The following SYT6 variants were observed in gnomAD, a reference collection of about 807,000 sequenced individuals.
SYT6 encodes the protein synaptotagmin 6, also known as synaptotagmin-6.
A neutral mutation model predicts 38.4 loss-of-function variants in SYT6; 24 were observed. The observed-to-expected ratio is 0.62, with a 90% confidence interval of 0.45 to 0.88. The LOEUF (loss-of-function observed/expected upper bound fraction) is 0.88, where lower values mean the gene tolerates loss of function less well. Ranked by LOEUF, SYT6 falls within the 40% of genes least tolerant of loss-of-function variation. SYT6 has a pLI of 0.00. For synonymous variants in SYT6, 265 were observed against 241.9 expected, an observed-to-expected ratio of 1.10 and a Z score of -0.89; for missense variants, 611 against 621.0, an observed-to-expected ratio of 0.98 and a Z score of 0.17.
chr1:114,112,753 G>T (rs1173667977), intron 3 of SYT6, among the ~76,000 whole-genome samples: 1 of 152,204 alleles, frequency 6.6e-6, no homozygotes, highest in Non-Finnish European at 1.5e-5. Context: ...GGTAGTAAAG[G>T]GTACATTAAT....
intron 3 of SYT6, among the ~76,000 whole-genome samples, chr1:114,129,596 CTTTCTTTCTTTCTTTCTTTCCTTTCTTT>C (rs1557756102): frequency 5.4e-4 from 49 of 90,900 alleles, no homozygotes; most frequent in Admixed American, 2.4e-3. Flanking sequence ...TTCTTTCTTT[CTTTCTTTCTTTCTTTCTTTCCTTTCTTT>C]CTTTCTTTCT....
At chr1:114,124,838 G>A (rs897297215) in intron 3 of SYT6, among the ~76,000 whole-genome samples, 3 of 152,244 alleles carry the variant, frequency 2.0e-5, no homozygotes, top group Non-Finnish European at 4.4e-5. Context: ...GCTGGCCCAG[G>A]TGGACTGCCG....
At chr1:114,093,411 C>T (rs578204592) in intron 7 of SYT6, among the ~76,000 whole-genome samples, 1 of 152,210 alleles carries the variant, frequency 6.6e-6, no homozygotes, top group Admixed American at 6.5e-5. Flanking sequence ...TTATGACTAA[C>T]CAAAGGCCAG....
At chr1:114,128,310 AT>A (rs1359181294) in intron 3 of SYT6, among the ~76,000 whole-genome samples, 2 of 152,114 alleles carry the variant, frequency 1.3e-5, no homozygotes, top group Non-Finnish European at 2.9e-5. Context: ...AATACTAGGG[AT>A]ACTGAGCCTT....
At chr1:114,103,936 T>C (rs1057343425) in intron 3 of SYT6, among the ~76,000 whole-genome samples, 4 of 152,336 alleles carry the variant, frequency 2.6e-5, no homozygotes, top group Non-Finnish European at 5.9e-5. Flanking sequence ...ATTTGCCCCT[T>C]CCAATATTCC....
chr1:114,139,682 C>T lies in SYT6; in HGVS notation c.445G>A (p.Val149Ile). ...PDIPAEVQMS[V>I]KEHIMRHTRL... ...GTGTGACGCATGATGTGCTCCTTGA[C>T]CGACATCTGCACCTCAGCTGGGATA... Residue 149 changes from valine to isoleucine, a missense_variant, in exon 2 of 8, where the codon GTC becomes ATC. Val to Ile is a conservative substitution (Grantham distance 29). Coordinates refer to ENST00000610222, the MANE Select transcript of SYT6 (RefSeq NM_001253772.2). 6.2e-7 allele frequency: 1 copy of T among 1,614,146 alleles called. No homozygotes were observed.
intron 3 of SYT6, among the ~76,000 whole-genome samples, chr1:114,108,615 G>A (rs201125997): frequency 6.6e-6 from 1 of 152,280 alleles, no homozygotes; most frequent in African/African-American, 2.4e-5. Flanking sequence ...CAACTGAGAC[G>A]ACCCAAGGAT....
At chr1:114,104,271 T>A (rs1676143668) in intron 3 of SYT6, among the ~76,000 whole-genome samples, 1 of 152,204 alleles carries the variant, frequency 6.6e-6, no homozygotes, top group Non-Finnish European at 1.5e-5. Context: ...GACAAACACT[T>A]TCCATCCCAT....
intron 4 of SYT6, among the ~76,000 whole-genome samples, chr1:114,100,255 A>C (rs1452991854): frequency 6.6e-6 from 1 of 152,170 alleles, no homozygotes; most frequent in Non-Finnish European, 1.5e-5. Flanking sequence ...ACAGGTAATA[A>C]TAGCTTTCGA....
At chr1:114,153,515 C>T (rs1679553399) in intron 1 of SYT6, 95 bp downstream of exon 1, 1 of 561,304 alleles carries the variant, frequency 1.8e-6, no homozygotes, top group South Asian at 2.2e-5. Context: ...GGGGAGTTCT[C>T]TCTAGGTTCT....
At chr1:114,107,586 G>A (rs1454207427) in intron 3 of SYT6, among the ~76,000 whole-genome samples, 1 of 152,204 alleles carries the variant, frequency 6.6e-6, no homozygotes, top group East Asian at 1.9e-4. Context: ...TTGGTTCACT[G>A]TTCCCCTGCA....
chr1:114,137,629 G>A lies in SYT6; in HGVS notation c.937C>T (p.His313Tyr). The change falls in exon 3 of 8, where the codon CAT becomes TAT. Residue 313 changes from histidine (H) to tyrosine (Y), a missense_variant. Transcript: ENST00000610222. ...PYEELADRKL[H>Y]LSVFDFDRFS... ...CGGTCAAAGTCGAAGACACTGAGATGCAGCTTGCGGTCAGCCAGCTCCTCA... is the reference window on the plus strand; with the variant it reads ...CGGTCAAAGTCGAAGACACTGAGATACAGCTTGCGGTCAGCCAGCTCCTCA... 6.2e-7 allele frequency: 1 copy of A among 1,614,198 alleles called. No homozygotes were observed. Among genetic ancestry groups the A allele is most frequent in the East Asian group, 2.2e-5 (1 of 44,876 alleles).
chr1:114,137,837 G>C lies in SYT6; in HGVS notation c.729C>G (p.Thr243=). ...INFSLRYDYE[T]ETLIVRILKA... Reference sequence around the variant, plus strand: ...TCAGGATACGCACAATCAGGGTCTCGGTCTCGTAATCGTAGCGTAGGCTGA... The same window carrying C: ...TCAGGATACGCACAATCAGGGTCTCCGTCTCGTAATCGTAGCGTAGGCTGA... The change falls in exon 3 of 8, where the codon ACC becomes ACG. Residue 243 remains threonine, a synonymous_variant. Coordinates refer to ENST00000610222, the MANE Select transcript of SYT6 (RefSeq NM_001253772.2). 1.2e-6 allele frequency: 2 copies of C among 1,614,022 alleles called. No individual in the cohort carries two copies. The highest frequency in any genetic ancestry group is 2.2e-5 in the South Asian group (2 of 91,052).
intron 3 of SYT6, among the ~76,000 whole-genome samples, chr1:114,106,399 T>C (rs1475127159): frequency 2.0e-5 from 3 of 152,064 alleles, no homozygotes; most frequent in Non-Finnish European, 4.4e-5. Flanking sequence ...TAGTGTTTGG[T>C]GAAGTTAAAT....
intron 1 of SYT6, among the ~76,000 whole-genome samples, chr1:114,148,540 C>T (rs1157481464): frequency 1.3e-5 from 2 of 152,178 alleles, no homozygotes; most frequent in African/African-American, 2.4e-5. Flanking sequence ...CAGACAGAGA[C>T]ATAGACAAAG....
intron 3 of SYT6, among the ~76,000 whole-genome samples, chr1:114,120,026 G>A (rs1045167757): frequency 6.8e-6 from 1 of 147,350 alleles, no homozygotes; most frequent in African/African-American, 2.5e-5. Flanking sequence ...AGCCGAGATC[G>A]CACCACTGCA....
At chr1:114,130,211 A>T (rs1414204655) in intron 3 of SYT6, among the ~76,000 whole-genome samples, 2 of 144,524 alleles carry the variant, frequency 1.4e-5, no homozygotes, top group African/African-American at 5.2e-5. Context: ...TCCCTGCTTC[A>T]TCTTCTCCAT....
intron 6 of SYT6, among the ~76,000 whole-genome samples, chr1:114,095,917 C>A (rs1217204056): frequency 6.6e-6 from 1 of 152,122 alleles, no homozygotes; most frequent in African/African-American, 2.4e-5. Context: ...ACCTCGGCCT[C>A]CCAAAGTGCT....
chr1:114,100,614 T>C (rs1675911235), intron 4 of SYT6, among the ~76,000 whole-genome samples: 1 of 152,190 alleles, frequency 6.6e-6, no homozygotes, highest in African/African-American at 2.4e-5. Context: ...GGAGAGACCA[T>C]GAGGTGTTTA....
Sources: gnomAD v4.1 joint callset for allele counts (sites outside exome capture counted in the v4.1 genomes callset) on GRCh38, gnomAD v4.1.1 for gene constraint, MANE v1.5 for transcripts, NCBI Gene and HGNC (gene_info 2026-07-23, HGNC 2026-07-21) for gene names.